Variants in CNDP1 observed in about 807,000 individuals in gnomAD.
CNDP1 encodes carnosine dipeptidase 1.
Under a neutral mutation model 58.1 loss-of-function variants are expected in CNDP1, and 44 were observed. The observed-to-expected ratio is 0.76, with a 90% confidence interval of 0.60 to 0.97. The LOEUF (loss-of-function observed/expected upper bound fraction) is 0.97, where lower values mean the gene tolerates loss of function less well. Among genes scored for constraint, CNDP1 ranks in the 50% least tolerant of loss-of-function variants. The probability of loss-of-function intolerance (pLI) is 0.00; values close to 1 mark genes in which losing one functional copy is unlikely to be tolerated. For synonymous variants in CNDP1, 254 were observed against 252.6 expected (o/e 1.01, Z -0.05); for missense variants, 616 against 655.1 (o/e 0.94, Z 0.65).
At chr18:74,578,857 C>T (rs1981702174) in intron 9 of CNDP1, among the ~76,000 whole-genome samples, 1 of 152,162 alleles carries the variant, frequency 6.6e-6, no homozygotes, top group African/African-American at 2.4e-5. Flanking sequence ...CTGAAATTAA[C>T]ACTTTGGAAG....
chr18:74,575,274 C>T (rs73973911), intron 7 of CNDP1, among the ~76,000 whole-genome samples: 1,538 of 152,192 alleles, frequency 0.01, 28 homozygotes, highest in African/African-American at 0.035. Flanking sequence ...AAAATGATGC[C>T]GAGAACAGAG....
At chr18:74,539,380 G>A (rs1467016366) in intron 1 of CNDP1, among the ~76,000 whole-genome samples, 2 of 152,138 alleles carry the variant, frequency 1.3e-5, no homozygotes, top group African/African-American at 4.8e-5. Flanking sequence ...GTCTCACGAA[G>A]GGTCTGAGGA....
chr18:74,575,300 C>T (rs1289422311), intron 7 of CNDP1, among the ~76,000 whole-genome samples: 1 of 152,158 alleles, frequency 6.6e-6, no homozygotes, highest in Non-Finnish European at 1.5e-5. Flanking sequence ...GATCGTTTTA[C>T]TAGTGAGGTA....
intron 1 of CNDP1, among the ~76,000 whole-genome samples, chr18:74,538,192 G>A (rs373119629): frequency 6.6e-6 from 1 of 151,910 alleles, no homozygotes; most frequent in East Asian, 1.9e-4. Context: ...CCTCCTATTC[G>A]CCCCTCCCTC....
intron 1 of CNDP1, among the ~76,000 whole-genome samples, chr18:74,555,813 C>T (rs1412537558): frequency 6.6e-6 from 1 of 152,176 alleles, no homozygotes; most frequent in African/African-American, 2.4e-5. Flanking sequence ...AGGCATGAAC[C>T]ACCACCTCAG....
In CNDP1 at chr18:74,536,283, C is replaced by CT. The variant is rs143065799; in HGVS notation, c.24+1593dup. ...CTCATTAGTTATTTTTGCTGATCCT[C>CT]TCCCTCCTCCCGTCCTCCACCCATA... On this transcript the variant is annotated intron_variant, in intron 1 of 11. Transcript: ENST00000358821. Among the ~76,000 whole-genome samples the CT allele has an allele frequency of 8.3e-3, 1,268 of 152,256 alleles. 12 individuals carry two copies. Among genetic ancestry groups the CT allele is most frequent in the African/African-American group, 0.029 (1,223 of 41,544 alleles).
Position 74,580,206 on chromosome 18 carries a change from T to C in CNDP1, c.1244T>C (p.Leu415Pro). 6.2e-7 allele frequency: 1 copy of C among 1,614,094 alleles called. No homozygotes were observed. The highest frequency in any genetic ancestry group is 8.5e-7 in the Non-Finnish European group (1 of 1,179,918). The change falls in exon 10 of 12, where the codon CTA (leucine) becomes CCA (proline). Residue 415 changes from leucine (L) to proline (P), a missense_variant. Coordinates refer to ENST00000358821, the MANE Select transcript of CNDP1 (RefSeq NM_032649.6). ...ATGGTTGTTTCCATGACTCTAGGAC[T>C]ACACCCGTGGATTGCAAATATTGAT... is the stretch of plus-strand genomic sequence containing the variant. ...NKMVVSMTLG[L>P]HPWIANIDDT... is the part of the protein sequence containing the mutation.
In CNDP1 at chr18:74,586,014, A is replaced by G. The variant is rs891834478; in HGVS notation, c.*1452A>G. 2 of 152,098 alleles carry G rather than the reference A, an allele frequency of 1.3e-5. No individual in the cohort carries two copies. The highest frequency in any genetic ancestry group is 2.4e-5 in the African/African-American group (1 of 41,376). 9.4% of individuals were successfully genotyped at this position (152,098 alleles called of 1,614,324 possible). A position where few individuals can be genotyped will look rare whatever the true frequency, so the allele number is the denominator to read the frequency against. ...GTCTCCAAAAAAAAAAAAAAAAAAA[A>G]AAAAAGCAGAACACATTTGCGTTCA... On this transcript the variant is annotated 3_prime_UTR_variant, in exon 12 of 12. Transcript: ENST00000358821.
At chr18:74,540,499 T>G (rs779323008) in intron 1 of CNDP1, among the ~76,000 whole-genome samples, 1 of 152,150 alleles carries the variant, frequency 6.6e-6, no homozygotes, top group Non-Finnish European at 1.5e-5. Context: ...GTGCCTGGAA[T>G]GGGCACCCTG....
chr18:74,567,596 T>C lies in CNDP1; in HGVS notation c.756+163T>C, dbSNP rs73478646. Among the ~76,000 whole-genome samples, 838 of 152,212 alleles carry C rather than the reference T, an allele frequency of 5.5e-3. 9 individuals are homozygous for C. The highest frequency in any genetic ancestry group is 0.019 in the African/African-American group (772 of 41,522). On this transcript the variant is annotated intron_variant, in intron 6 of 11. Transcript: ENST00000358821. ...GGGAGGTGGGGTGGGTGCAGAGGTC[T>C]TGGGGTTTGGGGAGGTCATGAACCC...
At chr18:74,578,914 A>C (rs899956495) in intron 9 of CNDP1, among the ~76,000 whole-genome samples, 1 of 152,192 alleles carries the variant, frequency 6.6e-6, no homozygotes, top group Admixed American at 6.5e-5. Context: ...ATGTGTCCAA[A>C]TTACCAACCA....
chr18:74,570,364 CTT>C (rs1981449231), intron 6 of CNDP1, among the ~76,000 whole-genome samples: 1 of 152,092 alleles, frequency 6.6e-6, no homozygotes, highest in Admixed American at 6.5e-5. Context: ...AAGGAAGAGA[CTT>C]TGATCTGGGC....
At chr18:74,534,731 G>A (rs754082030) in intron 1 of CNDP1, 40 bp downstream of exon 1, 2 of 1,612,560 alleles carry the variant, frequency 1.2e-6, no homozygotes, top group Admixed American at 1.7e-5. Context: ...TGCATTGGGT[G>A]CCAGAATTCC....
At chr18:74,546,924 G>C (rs1399571323) in intron 1 of CNDP1, among the ~76,000 whole-genome samples, 2 of 152,238 alleles carry the variant, frequency 1.3e-5, no homozygotes, top group East Asian at 1.9e-4. Flanking sequence ...TCACAGGTTA[G>C]GCTGGACTAG....
rs927342856 is a variant in CNDP1, at chr18:74,586,720, C to G, written c.*2158C>G. On this transcript the variant is annotated 3_prime_UTR_variant, in exon 12 of 12. Coordinates refer to ENST00000358821, the MANE Select transcript of CNDP1 (RefSeq NM_032649.6). ...GTTTTTCTGTCACCCAGGGTCACGA[C>G]TGGTCTCCCCAGCTCTTCCCTCCTG... 6 of 152,174 alleles carry G rather than the reference C, an allele frequency of 3.9e-5. No homozygotes were observed. The highest frequency in any genetic ancestry group is 2.0e-4 in the Admixed American group (3 of 15,272). The allele number at this position is 152,174 out of a possible 1,614,324, so 9.4% of individuals were successfully genotyped here. A position where few individuals can be genotyped will look rare whatever the true frequency, so the allele number is the denominator to read the frequency against.
chr18:74,570,710 A>G (rs1438443151), intron 6 of CNDP1, among the ~76,000 whole-genome samples: 1 of 152,224 alleles, frequency 6.6e-6, no homozygotes, highest in Non-Finnish European at 1.5e-5. Context: ...TGAGCCAAGT[A>G]TTAAGCTTTA....
intron 2 of CNDP1, 33 bp from the exon 3 acceptor site, chr18:74,559,290 C>T (rs754632902): frequency 3.1e-6 from 5 of 1,613,190 alleles, no homozygotes; most frequent in Admixed American, 1.7e-5. Flanking sequence ...TGTGGGACCC[C>T]AATGCTAATG....
intron 1 of CNDP1, among the ~76,000 whole-genome samples, chr18:74,538,392 C>G (rs1980535465): frequency 6.6e-6 from 1 of 152,192 alleles, no homozygotes; most frequent in South Asian, 2.1e-4. Flanking sequence ...CCAAATAATA[C>G]TCCATTGTGT....
At chr18:74,553,441 G>C (rs1980959089) in intron 1 of CNDP1, among the ~76,000 whole-genome samples, 1 of 152,050 alleles carries the variant, frequency 6.6e-6, no homozygotes, top group Non-Finnish European at 1.5e-5. Context: ...CTTATATATG[G>C]TGTGAGGAAG....
Sources: allele counts gnomAD v4.1 joint callset (sites outside exome capture counted in the v4.1 genomes callset), GRCh38; gene constraint gnomAD v4.1.1; transcripts MANE v1.5; gene names NCBI Gene and HGNC (gene_info 2026-07-23, HGNC 2026-07-21).